PAK3: variants seen among roughly 807,000 people sequenced by gnomAD.
PAK3 encodes the protein p21 (RAC1) activated kinase 3.
PAK3 carries 4 observed loss-of-function variants against 41.0 expected under a neutral mutation model. The observed-to-expected ratio is 0.10, with a 90% CI of 0.05 to 0.22. PAK3 has a LOEUF of 0.22. Ranked by LOEUF, PAK3 falls within the 10% of genes least tolerant of loss-of-function variation. The probability of loss-of-function intolerance (pLI) is 1.00; values close to 1 mark genes in which losing one functional copy is unlikely to be tolerated. For synonymous variants in PAK3, 146 were observed against 139.6 expected (o/e 1.05, Z -0.32); for missense variants, 205 against 409.9 (o/e 0.50, Z 4.32).
intron 10 of PAK3, among the ~76,000 whole-genome samples, 173 bp from the exon 11 acceptor site, chrX:111,172,845 T>C (rs1318401437): frequency 2.7e-5 from 3 of 111,622 alleles, no homozygotes; most frequent in Non-Finnish European, 3.8e-5. Context: ...ATCATTTTTA[T>C]GTAAATTATA....
chrX:111,066,665 A>G lies in PAK3; in HGVS notation c.-27-56412A>G, dbSNP rs1229209233. Among the ~76,000 whole-genome samples the G allele has an allele frequency of 4.5e-5, 5 of 112,085 alleles. No homozygotes were observed. In the East Asian group the frequency reaches 1.4e-3, roughly 31 times the overall value. On this transcript the variant is annotated intron_variant, in intron 1 of 14. Transcript: ENST00000425146. ...TCTGTCTAATGCTGTCAGTGGGGTG[A>G]TAAAGTGCCCCACTGTTATTGCATG...
At chrX:110,955,065 A>G (rs1171787056) in intron 1 of PAK3, among the ~76,000 whole-genome samples, 1 of 111,951 alleles carries the variant, frequency 8.9e-6, no homozygotes, top group Non-Finnish European at 1.9e-5. Flanking sequence ...CTCATTATCA[A>G]ACTTGCAGCA....
At chrX:111,128,952 A>C (rs1331648511) in intron 5 of PAK3, among the ~76,000 whole-genome samples, 1 of 111,479 alleles carries the variant, frequency 9.0e-6, no homozygotes, top group African/African-American at 3.3e-5. Context: ...TCTAAGTAAG[A>C]GTGTTCATAT....
At chrX:111,036,979 C>G (rs906138023) in intron 1 of PAK3, among the ~76,000 whole-genome samples, 2 of 111,861 alleles carry the variant, frequency 1.8e-5, no homozygotes, top group Admixed American at 1.9e-4. Flanking sequence ...GAGTCTCGCT[C>G]TGTCACCCAG....
At chrX:111,142,221 T>C in intron 6 of PAK3, 25 bp downstream of exon 6, 1 of 851,124 alleles carries the variant, frequency 1.2e-6, no homozygotes, top group Admixed American at 2.2e-5. Flanking sequence ...TGTTTTGTTT[T>C]GTAAGCCACG....
At chrX:111,006,853 T>TTTC (rs2091938760) in intron 1 of PAK3, among the ~76,000 whole-genome samples, 1 of 8,366 alleles carries the variant, frequency 1.2e-4, no homozygotes, top group Admixed American at 2.4e-3. Flanking sequence ...TTCTTTCTTT[T>TTTC]TTTTTTTTTT....
intron 1 of PAK3, among the ~76,000 whole-genome samples, chrX:111,053,030 A>T (rs2092573181): frequency 8.9e-6 from 1 of 112,284 alleles, no homozygotes; most frequent in South Asian, 3.7e-4. Context: ...TCATAAGCAC[A>T]ATTTTATTAG....
Position 111,143,649 on chromosome X carries a change from G to GA in PAK3, c.276+1460dup, listed in dbSNP as rs1212086019. On this transcript the variant is annotated intron_variant, in intron 6 of 17. Coordinates refer to ENST00000372007, the MANE Select transcript of PAK3 (RefSeq NM_002578.5). ...ACTACCACCACCATCATCACCACCA[G>GA]AAAAAAACGTAATTTGTATAACCTG... Among the ~76,000 whole-genome samples, 38 of 110,301 alleles carry GA rather than the reference G, an allele frequency of 3.4e-4. 1 individual carries two copies. Among genetic ancestry groups the GA allele is most frequent in the Admixed American group, 3.0e-3 (31 of 10,453 alleles).
intron 1 of PAK3, among the ~76,000 whole-genome samples, chrX:111,059,146 A>G (rs2092632415): frequency 9.8e-6 from 1 of 101,631 alleles, no homozygotes; most frequent in Non-Finnish European, 2.0e-5. Flanking sequence ...TTTTGAAAAA[A>G]AAGGCCATTG....
At chrX:111,027,634 G>A (rs1215757070) in intron 1 of PAK3, among the ~76,000 whole-genome samples, 2 of 111,606 alleles carry the variant, frequency 1.8e-5, no homozygotes, top group East Asian at 2.8e-4. Context: ...CCTCACTCCT[G>A]CAAGAATGGC....
intron 14 of PAK3, among the ~76,000 whole-genome samples, chrX:111,195,388 G>A (rs1376627402): frequency 8.9e-6 from 1 of 111,935 alleles, no homozygotes; most frequent in African/African-American, 3.2e-5. Flanking sequence ...GCCTAGGAGT[G>A]GTTCCCAAAC....
chrX:111,212,121 G>C (rs2094828488), intron 16 of PAK3, among the ~76,000 whole-genome samples: 1 of 111,161 alleles, frequency 9.0e-6, no homozygotes, highest in African/African-American at 3.3e-5. Context: ...GAAGAAGGGG[G>C]AAAAGATGAT....
intron 7 of PAK3, among the ~76,000 whole-genome samples, chrX:111,151,596 T>G (rs1002622331): frequency 1.8e-5 from 2 of 112,019 alleles, no homozygotes; most frequent in Admixed American, 9.5e-5. Context: ...TGGAATATAT[T>G]CTAAGATCTC....
intron 3 of PAK3, among the ~76,000 whole-genome samples, chrX:111,102,144 G>C (rs1482220337): frequency 1.8e-5 from 2 of 111,484 alleles, no homozygotes; most frequent in East Asian, 2.8e-4. Context: ...GGAAAGCAGA[G>C]TAGGAAGGAT....
intron 1 of PAK3, among the ~76,000 whole-genome samples, chrX:111,013,509 C>T (rs1390227482): frequency 9.0e-6 from 1 of 110,998 alleles, no homozygotes; most frequent in Non-Finnish European, 1.9e-5. Flanking sequence ...TAATATAACA[C>T]TGATTGAGCA....
chrX:111,117,228 C>T (rs1320033746), intron 4 of PAK3, among the ~76,000 whole-genome samples: 1 of 111,539 alleles, frequency 9.0e-6, no homozygotes, highest in Admixed American at 9.5e-5. Flanking sequence ...GTAGACCTGT[C>T]GTATGAATAT....
intron 6 of PAK3, among the ~76,000 whole-genome samples, chrX:111,144,547 C>A (rs1894411011): frequency 9.0e-6 from 1 of 111,218 alleles, no homozygotes; most frequent in Non-Finnish European, 1.9e-5. Flanking sequence ...GTCATAGCAC[C>A]ACTAATTTAT....
chrX:111,116,270 A>T (rs766314021), intron 4 of PAK3, among the ~76,000 whole-genome samples: 1 of 111,675 alleles, frequency 9.0e-6, no homozygotes, highest in Admixed American at 9.5e-5. Flanking sequence ...GGCATCTCTT[A>T]GGGTAATTAC....
intron 8 of PAK3, among the ~76,000 whole-genome samples, chrX:111,156,546 T>C (rs911223781): frequency 9.8e-5 from 11 of 112,104 alleles, no homozygotes; most frequent in African/African-American, 3.6e-4. Context: ...CTTCGCAATG[T>C]GTATGTCTTT....
Sources: allele counts gnomAD v4.1 joint callset (sites outside exome capture counted in the v4.1 genomes callset), GRCh38; gene constraint gnomAD v4.1.1; transcripts MANE v1.5; gene names NCBI Gene and HGNC (gene_info 2026-07-23, HGNC 2026-07-21).